Variants in VAV3 observed in about 807,000 individuals in gnomAD.
VAV3 encodes the protein vav guanine nucleotide exchange factor 3.
A neutral mutation model predicts 131.2 loss-of-function variants in VAV3; 94 were observed. The observed-to-expected ratio is 0.72, with a 90% CI of 0.61 to 0.85. The LOEUF is 0.85. Ranked by LOEUF, VAV3 falls within the 40% of genes least tolerant of loss-of-function variation. VAV3 has a pLI of 0.00. For missense variants in VAV3, 939 were observed against 1,002.7 expected, an observed-to-expected ratio of 0.94 and a Z score of 0.86; for synonymous variants, 349 against 342.0, an observed-to-expected ratio of 1.02 and a Z score of -0.22.
chr1:107,736,939 A>G (rs1310770606), intron 15 of VAV3, among the ~76,000 whole-genome samples: 1 of 152,226 alleles, frequency 6.6e-6, no homozygotes, highest in Non-Finnish European at 1.5e-5. Context: ...GCATCACGCT[A>G]GCTGACTTCA....
At chr1:107,846,188 C>T (rs150805562) in intron 2 of VAV3, among the ~76,000 whole-genome samples, 4 of 152,278 alleles carry the variant, frequency 2.6e-5, no homozygotes, top group African/African-American at 9.6e-5. Flanking sequence ...ATTTCATATC[C>T]AGCCAAACTA....
At chr1:107,626,451 T>C (rs12039994) in intron 20 of VAV3, among the ~76,000 whole-genome samples, 5,493 of 152,284 alleles carry the variant, frequency 0.036, 113 homozygotes, top group East Asian at 0.048. Context: ...CAAATACCTG[T>C]CAAAATCAAG....
chr1:107,597,274 C>T lies in VAV3; in HGVS notation c.2221-933G>A, dbSNP rs186651116. ...AAACCACTTGTTTCTTCTAAAAATC[C>T]CACTGCCATCAACTTAATATCTCTG... On this transcript the variant is annotated intron_variant, in intron 24 of 26. Coordinates refer to ENST00000370056, the MANE Select transcript of VAV3 (RefSeq NM_006113.5). 2.0e-3 allele frequency among the ~76,000 whole-genome samples: 296 copies of T among 150,192 alleles called. 2 individuals are homozygous for T. Among genetic ancestry groups the T allele is most frequent in the African/African-American group, 7.0e-3 (289 of 41,078 alleles).
Position 107,623,761 on chromosome 1 carries a change from T to C in VAV3, c.1915-6129A>G, listed in dbSNP as rs561474650. 3.9e-3 allele frequency among the ~76,000 whole-genome samples: 587 copies of C among 152,308 alleles called. 4 individuals carry two copies. Among genetic ancestry groups the C allele is most frequent in the Non-Finnish European group, 4.9e-3 (336 of 68,026 alleles). The stretch of plus-strand genomic sequence containing the variant: ...AAGAACAAAACCATAAGCTATGCAT[T>C]TTTGTTATTTCTTAGTCAAAAGGGG... On this transcript the variant is annotated intron_variant, in intron 20 of 26. Transcript: ENST00000370056.
intron 15 of VAV3, among the ~76,000 whole-genome samples, chr1:107,707,783 C>T (rs143780778): frequency 1.1e-4 from 17 of 152,252 alleles, no homozygotes; most frequent in East Asian, 7.7e-4. Context: ...ATACATGGTC[C>T]GTGGCCTGTG....
At chr1:107,730,548 A>C (rs1246368232) in intron 15 of VAV3, among the ~76,000 whole-genome samples, 1 of 152,238 alleles carries the variant, frequency 6.6e-6, no homozygotes, top group African/African-American at 2.4e-5. Flanking sequence ...TAAAGTGATC[A>C]AAAAATCTTG....
intron 2 of VAV3, among the ~76,000 whole-genome samples, chr1:107,831,025 C>T (rs530877812): frequency 1.3e-5 from 2 of 152,280 alleles, no homozygotes; most frequent in African/African-American, 4.8e-5. Flanking sequence ...AATACTTCTA[C>T]AGGTTGAGTA....
At chr1:107,682,212 A>G (rs1010816508) in intron 19 of VAV3, among the ~76,000 whole-genome samples, 1 of 152,180 alleles carries the variant, frequency 6.6e-6, no homozygotes, top group African/African-American at 2.4e-5. Flanking sequence ...TGGTTGAGTC[A>G]AATATGTTCC....
intron 24 of VAV3, among the ~76,000 whole-genome samples, chr1:107,597,199 T>C (rs942079431): frequency 6.7e-6 from 1 of 149,428 alleles, no homozygotes; most frequent in Non-Finnish European, 1.5e-5. Context: ...AATGTTTCTA[T>C]TGGAGCGCCT....
chr1:107,764,613 G>A (rs538212709), intron 9 of VAV3, among the ~76,000 whole-genome samples: 1 of 152,074 alleles, frequency 6.6e-6, no homozygotes, highest in Non-Finnish European at 1.5e-5. Flanking sequence ...TCAAACTCTC[G>A]GGCTCAAGTG....
chr1:107,925,900 A>T (rs3121653), intron 1 of VAV3, among the ~76,000 whole-genome samples: 26 of 149,800 alleles, frequency 1.7e-4, no homozygotes, highest in East Asian at 5.9e-4. Flanking sequence ...AACATATATG[A>T]TATATATGTT....
At chr1:107,750,970 A>T (rs1032867733) in intron 13 of VAV3, 147 bp downstream of exon 13, 10 of 750,254 alleles carry the variant, frequency 1.3e-5, no homozygotes, top group East Asian at 8.3e-5. Context: ...ATCTAGATTT[A>T]AAAAATTTAG....
intron 21 of VAV3, among the ~76,000 whole-genome samples, chr1:107,611,108 T>G (rs1329169202): frequency 6.6e-6 from 1 of 152,214 alleles, no homozygotes; most frequent in Non-Finnish European, 1.5e-5. Context: ...AATTAGAATA[T>G]TTGAATTACA....
At chr1:107,881,654 T>G (rs1243156941) in intron 1 of VAV3, among the ~76,000 whole-genome samples, 1 of 152,004 alleles carries the variant, frequency 6.6e-6, no homozygotes, top group South Asian at 2.1e-4. Flanking sequence ...GGAAGGAAAA[T>G]GGTAGAAAAG....
intron 25 of VAV3, among the ~76,000 whole-genome samples, chr1:107,577,835 T>G (rs536827768): frequency 6.6e-6 from 1 of 152,194 alleles, no homozygotes; most frequent in Non-Finnish European, 1.5e-5. Flanking sequence ...AATTATCTTC[T>G]TGAAGCCTAT....
chr1:107,731,238 G>C (rs1375471676), intron 15 of VAV3, among the ~76,000 whole-genome samples: 1 of 152,130 alleles, frequency 6.6e-6, no homozygotes, highest in Non-Finnish European at 1.5e-5. Context: ...ATCTCAAAAA[G>C]ATAAACTGTT....
intron 25 of VAV3, among the ~76,000 whole-genome samples, chr1:107,579,747 G>T (rs1649903126): frequency 6.6e-6 from 1 of 152,056 alleles, no homozygotes; most frequent in African/African-American, 2.4e-5. Flanking sequence ...CAAACCCTTG[G>T]CCTGAATTCC....
intron 2 of VAV3, among the ~76,000 whole-genome samples, chr1:107,805,456 A>T (rs1667018598): frequency 6.6e-6 from 1 of 152,034 alleles, no homozygotes; most frequent in Non-Finnish European, 1.5e-5. Flanking sequence ...CTCTCTGATA[A>T]ATTTTGCAGC....
Position 107,770,703 on chromosome 1 carries a change from C to A in VAV3, c.581G>T (p.Ser194Ile). ...CTGCTTAATTTCTGCTAGACAACAA[C>A]TTCGTATATCATTTTCTGGACATTT... is the stretch of plus-strand genomic sequence containing the variant. ...QPKCPENDIR[S>I]CCLAEIKQTE... is the part of the protein sequence containing the mutation. The change falls in exon 6 of 27, where the codon AGT (serine) becomes ATT (isoleucine). Residue 194 changes from serine (S) to isoleucine (I), a missense_variant. Physicochemically the swap from Ser to Ile is moderately radical, Grantham distance 142. Coordinates refer to ENST00000370056, the MANE Select transcript of VAV3 (RefSeq NM_006113.5). 1 of 1,611,622 alleles carries A rather than the reference C, an allele frequency of 6.2e-7. No individual in the cohort carries two copies. The highest frequency in any genetic ancestry group is 1.3e-5 in the African/African-American group (1 of 74,938).
Sources: gnomAD v4.1 joint callset for allele counts (sites outside exome capture counted in the v4.1 genomes callset) on GRCh38, gnomAD v4.1.1 for gene constraint, MANE v1.5 for transcripts, NCBI Gene and HGNC (gene_info 2026-07-23, HGNC 2026-07-21) for gene names.